ARHGAP18: variants seen among roughly 807,000 people sequenced by gnomAD.
ARHGAP18 encodes the protein rho GTPase-activating protein 18.
ARHGAP18 carries 67 observed loss-of-function variants against 86.2 expected under a neutral mutation model. The ratio of observed to expected loss-of-function variants is 0.78; its 90% CI spans 0.64 to 0.95. The LOEUF (loss-of-function observed/expected upper bound fraction) is 0.95, where lower values mean the gene tolerates loss of function less well. Among genes scored for constraint, ARHGAP18 ranks in the 40% least tolerant of loss-of-function variants. The pLI is 0.00. For synonymous variants in ARHGAP18, 283 were observed against 280.4 expected (o/e 1.01, Z -0.09); for missense variants, 691 against 780.4 (o/e 0.89, Z 1.37).
At chr6:129,630,120 C>CACCT (rs1773169779) in intron 4 of ARHGAP18, among the ~76,000 whole-genome samples, 1 of 152,294 alleles carries the variant, frequency 6.6e-6, no homozygotes, top group Admixed American at 6.5e-5. Flanking sequence ...GTTGGGTTTG[C>CACCT]ACCTGATCAT....
At chr6:129,603,354 T>C (rs904843979) in intron 10 of ARHGAP18, among the ~76,000 whole-genome samples, 2 of 152,172 alleles carry the variant, frequency 1.3e-5, no homozygotes, top group African/African-American at 2.4e-5. Context: ...TAGTATTACA[T>C]GGTGTATGTG....
At chr6:129,657,429 T>TAAAAAA (rs373569721) in intron 1 of ARHGAP18, among the ~76,000 whole-genome samples, 1 of 136,636 alleles carries the variant, frequency 7.3e-6, no homozygotes. Flanking sequence ...TTTTTGAAAT[T>TAAAAAA]AAAAAAAAAA....
chr6:129,651,331 T>G (rs1274873257), intron 1 of ARHGAP18, among the ~76,000 whole-genome samples: 2 of 152,334 alleles, frequency 1.3e-5, no homozygotes, highest in Non-Finnish European at 2.9e-5. Context: ...AGGGCTGTGG[T>G]TGCATATGAG....
intron 9 of ARHGAP18, among the ~76,000 whole-genome samples, chr6:129,607,593 CTATTA>C (rs59357466): frequency 0.056 from 8,585 of 152,066 alleles, 316 homozygotes; most frequent in South Asian, 0.092. Context: ...GTGACTCATT[CTATTA>C]TAAGAGAAAC....
chr6:129,628,492 C>A, intron 5 of ARHGAP18, among the ~76,000 whole-genome samples: 1 of 152,132 alleles, frequency 6.6e-6, no homozygotes, highest in East Asian at 1.9e-4. Context: ...TTATTAATTG[C>A]ACATAGGAAA....
intron 5 of ARHGAP18, among the ~76,000 whole-genome samples, chr6:129,628,115 G>T (rs147912883): frequency 1.3e-5 from 2 of 152,210 alleles, no homozygotes; most frequent in African/African-American, 4.8e-5. Context: ...CATAATAAAT[G>T]TATTTTTTAG....
intron 1 of ARHGAP18, among the ~76,000 whole-genome samples, chr6:129,662,773 C>A (rs545920933): frequency 6.6e-6 from 1 of 152,206 alleles, no homozygotes; most frequent in Admixed American, 6.5e-5. Context: ...GCACATTAGG[C>A]TAAACTGAAT....
intron 8 of ARHGAP18, 96 bp downstream of exon 8, chr6:129,611,436 CA>C: frequency 1.0e-6 from 1 of 982,920 alleles, no homozygotes; most frequent in Non-Finnish European, 1.5e-6. Flanking sequence ...ACTTTACTAA[CA>C]ATGGAAAAAA....
At chr6:129,625,707 T>TTA (rs1221602013) in intron 5 of ARHGAP18, among the ~76,000 whole-genome samples, 1 of 62,154 alleles carries the variant, frequency 1.6e-5, no homozygotes, top group African/African-American at 6.0e-5. Flanking sequence ...TATTTATATA[T>TTA]TATATATTTA....
Position 129,629,408 on chromosome 6 carries a change from T to C in ARHGAP18, c.731A>G (p.Lys244Arg). The stretch of plus-strand genomic sequence containing the variant: ...CTGGATTTTCTCCTTGGAGCTCTCT[T>C]TCTGATTGAGTGCTTGCTCGGCAAA... ...VSFAEQALNQ[K>R]ESSKEKIQKS... is the part of the protein sequence containing the mutation. Residue 244 changes from lysine (K) to arginine (R), a missense_variant, in exon 5 of 15, where the codon AAA becomes AGA. Lys to Arg is a conservative substitution (Grantham distance 26). Coordinates refer to ENST00000368149, the MANE Select transcript of ARHGAP18 (RefSeq NM_033515.3). 6.2e-7 allele frequency: 1 copy of C among 1,614,010 alleles called. No individual in the cohort carries two copies. Among genetic ancestry groups the C allele is most frequent in the East Asian group, 2.2e-5 (1 of 44,878 alleles).
intron 5 of ARHGAP18, among the ~76,000 whole-genome samples, chr6:129,628,481 A>C (rs1294574613): frequency 6.6e-6 from 1 of 152,220 alleles, no homozygotes; most frequent in Non-Finnish European, 1.5e-5. Context: ...ATGACAAATT[A>C]TTATTAATTG....
chr6:129,636,948 A>G (rs1220930977), intron 3 of ARHGAP18, among the ~76,000 whole-genome samples: 1 of 152,188 alleles, frequency 6.6e-6, no homozygotes, highest in African/African-American at 2.4e-5. Context: ...AGGATCATTT[A>G]TATTCTCTGT....
intron 1 of ARHGAP18, among the ~76,000 whole-genome samples, chr6:129,695,846 G>GA (rs1277172845): frequency 6.6e-6 from 1 of 152,092 alleles, no homozygotes; most frequent in African/African-American, 2.4e-5. Flanking sequence ...TCATTTAAGG[G>GA]AAAAACATTG....
chr6:129,614,548 C>G (rs1021213949), intron 7 of ARHGAP18, among the ~76,000 whole-genome samples: 1 of 151,934 alleles, frequency 6.6e-6, no homozygotes, highest in African/African-American at 2.4e-5. Context: ...AAAAAAACTT[C>G]AAGAGAAAAT....
At chr6:129,657,399 T>G (rs182367807) in intron 1 of ARHGAP18, among the ~76,000 whole-genome samples, 36 of 150,832 alleles carry the variant, frequency 2.4e-4, no homozygotes, top group African/African-American at 6.6e-4. Flanking sequence ...AGCTGGCATT[T>G]TACACACTCA....
intron 5 of ARHGAP18, among the ~76,000 whole-genome samples, chr6:129,627,641 T>C (rs961032735): frequency 8.1e-5 from 12 of 148,022 alleles, no homozygotes; most frequent in South Asian, 4.3e-4. Flanking sequence ...GAGGAAGGGA[T>C]AGAGGGAAAG....
chr6:129,709,262 G>C (rs984210895), intron 1 of ARHGAP18, among the ~76,000 whole-genome samples: 2 of 152,018 alleles, frequency 1.3e-5, no homozygotes, highest in African/African-American at 4.8e-5. Context: ...TGTTCAGCTA[G>C]TGAGAAGGTC....
At chr6:129,614,544 A>T (rs1357610192) in intron 7 of ARHGAP18, among the ~76,000 whole-genome samples, 2 of 152,158 alleles carry the variant, frequency 1.3e-5, no homozygotes, top group African/African-American at 4.8e-5. Flanking sequence ...TAAAAAAAAA[A>T]CTTCAAGAGA....
Position 129,584,120 on chromosome 6 carries a change from G to A in ARHGAP18, c.1714-8C>T, listed in dbSNP as rs762822435. ...TCCCTGAGGAACGTCAGCCTGCAAA[G>A]CAATAATGACACTGGAACAAAGCTG... is the stretch of plus-strand genomic sequence containing the variant. On this transcript the variant is annotated splice_region_variant and splice_polypyrimidine_tract_variant and intron_variant, in intron 12 of 14. Transcript: ENST00000368149. 3.7e-6 allele frequency: 6 copies of A among 1,613,150 alleles called. No individual in the cohort carries two copies. The highest frequency in any genetic ancestry group is 5.1e-6 in the Non-Finnish European group (6 of 1,179,508).
Sources: gnomAD v4.1 joint callset for allele counts (sites outside exome capture counted in the v4.1 genomes callset) on GRCh38, gnomAD v4.1.1 for gene constraint, MANE v1.5 for transcripts, NCBI Gene and HGNC (gene_info 2026-07-23, HGNC 2026-07-21) for gene names.